TPX2: variants seen among roughly 807,000 people sequenced by gnomAD.
TPX2 encodes TPX2 microtubule nucleation factor.
In TPX2, 21 loss-of-function variants were observed where a neutral mutation model predicts 93.6. The observed-to-expected ratio is 0.22, with a 90% CI of 0.16 to 0.32. TPX2 has a LOEUF of 0.32. Ranked by LOEUF, TPX2 falls within the 10% of genes least tolerant of loss-of-function variation. The pLI, the probability that TPX2 is intolerant of heterozygous loss-of-function variation, is 1.00. For missense variants in TPX2, 776 were observed against 871.1 expected, an observed-to-expected ratio of 0.89 and a Z score of 1.37; for synonymous variants, 281 against 298.3, an observed-to-expected ratio of 0.94 and a Z score of 0.60.
At chr20:31,778,442 A>G (rs2062015089) in intron 9 of TPX2, among the ~76,000 whole-genome samples, 1 of 152,156 alleles carries the variant, frequency 6.6e-6, no homozygotes, top group Admixed American at 6.6e-5. Flanking sequence ...ATGCATACCC[A>G]GAGGCCCAAT....
chr20:31,791,997 A>G (rs577754024), intron 12 of TPX2, among the ~76,000 whole-genome samples: 1 of 152,364 alleles, frequency 6.6e-6, no homozygotes, highest in South Asian at 2.1e-4. Context: ...TATGTGCACA[A>G]TATGATACAT....
At position 31,772,716 on chromosome 20, in the gene TPX2, A is replaced by G. The variant is rs551154380; in HGVS notation, c.608+1034A>G. 1.2e-4 allele frequency among the ~76,000 whole-genome samples: 19 copies of G among 152,166 alleles called. No individual in the cohort carries two copies. The South Asian group carries it at 3.3e-3, about 27-fold the overall frequency. ...TTCTGTGCTGCTACAAAATTTTCAC[A>G]TTTATCCTTTTTTGATAGATTGTTA... On this transcript the variant is annotated intron_variant, in intron 7 of 17. Transcript: ENST00000300403.
chr20:31,784,023 T>C, intron 12 of TPX2, 102 bp downstream of exon 12: 4 of 1,234,220 alleles, frequency 3.2e-6, no homozygotes, highest in Admixed American at 4.4e-5. Flanking sequence ...CAGGGCATCA[T>C]ATTAGGAACT....
intron 2 of TPX2, among the ~76,000 whole-genome samples, chr20:31,744,544 G>T (rs562307799): frequency 1.1e-4 from 16 of 149,572 alleles, no homozygotes; most frequent in African/African-American, 3.7e-4. Context: ...TGTTTTTTTT[G>T]AGACAGGGTC....
rs1200115723 is a variant in TPX2 at position 31,778,833 on chromosome 20, T to C, written c.903T>C (p.Cys301=). Residue 301 remains cysteine (C), a synonymous_variant, in exon 10 of 18, where the codon TGT becomes TGC. Transcript: ENST00000300403. ...PSSPARVTKG[C]TIVKPFNLSQ... ...TACAGGCCCGAGTGACTAAGGGATG[T>C]ACCATTGTTAAGCCTTTCAACCTGT... 6.3e-7 allele frequency: 1 copy of C among 1,595,230 alleles called. No individual in the cohort carries two copies. Among genetic ancestry groups the C allele is most frequent in the East Asian group, 2.2e-5 (1 of 44,578 alleles).
chr20:31,759,292 C>A (rs192451159), intron 3 of TPX2, among the ~76,000 whole-genome samples: 1 of 152,138 alleles, frequency 6.6e-6, no homozygotes, highest in East Asian at 1.9e-4. Context: ...TCTACCCTCA[C>A]ACACCCCTTA....
chr20:31,770,396 A>G lies in TPX2; in HGVS notation c.410A>G (p.His137Arg). Residue 137 changes from histidine (H) to arginine (R), a missense_variant, in exon 6 of 18, where the codon CAT (histidine) becomes CGT (arginine). Physicochemically the swap from His to Arg is conservative, Grantham distance 29. Around this residue, in one of 3 missense-constraint regions of TPX2, gnomAD observed 279 missense variants for 261.6 expected, o/e 1.07. Coordinates refer to ENST00000300403, the MANE Select transcript of TPX2 (RefSeq NM_012112.5). ...QKDLEQKEKH[H>R]VKMKAKRCAT... is the part of the protein sequence containing the mutation. ...GATTTGGAACAGAAAGAAAAGCATC[A>G]TGTAAAAATGAAAGCCAAGAGATGT... is the stretch of plus-strand genomic sequence containing the variant. 6.2e-7 allele frequency: 1 copy of G among 1,606,792 alleles called. No individual in the cohort carries two copies. Among genetic ancestry groups the G allele is most frequent in the Non-Finnish European group, 8.5e-7 (1 of 1,176,064 alleles).
intron 4 of TPX2, among the ~76,000 whole-genome samples, chr20:31,763,423 A>G (rs987717614): frequency 6.6e-6 from 1 of 151,898 alleles, no homozygotes; most frequent in Non-Finnish European, 1.5e-5. Context: ...CAGGTGATCT[A>G]CCTGCCTCGG....
intron 12 of TPX2, among the ~76,000 whole-genome samples, chr20:31,787,036 A>G (rs951267870): frequency 6.6e-6 from 1 of 152,016 alleles, no homozygotes; most frequent in African/African-American, 2.4e-5. Flanking sequence ...AGCACTGAGT[A>G]TGGTGCCTGA....
intron 12 of TPX2, among the ~76,000 whole-genome samples, chr20:31,785,179 C>G (rs991003758): frequency 6.6e-6 from 1 of 152,188 alleles, no homozygotes; most frequent in African/African-American, 2.4e-5. Context: ...TGCGTGACTT[C>G]TGTTCACGAT....
chr20:31,794,616 A>G (rs2062123897), intron 15 of TPX2, 68 bp downstream of exon 15: 1 of 1,569,750 alleles, frequency 6.4e-7, no homozygotes, highest in Non-Finnish European at 8.6e-7. Flanking sequence ...CAGACCCACC[A>G]TACTGAAATC....
At chr20:31,775,427 G>A (rs866776601) in intron 7 of TPX2, among the ~76,000 whole-genome samples, 17 of 151,448 alleles carry the variant, frequency 1.1e-4, no homozygotes, top group African/African-American at 3.2e-4. Context: ...CCAGGCTGGA[G>A]TGCAGTGGCG....
chr20:31,759,761 T>A (rs1304373977), intron 3 of TPX2, among the ~76,000 whole-genome samples: 1 of 152,148 alleles, frequency 6.6e-6, no homozygotes, highest in African/African-American at 2.4e-5. Flanking sequence ...AGTTCATATT[T>A]GTATGACCCT....
intron 11 of TPX2, among the ~76,000 whole-genome samples, chr20:31,783,192 G>A (rs1247731823): frequency 6.6e-6 from 1 of 151,926 alleles, no homozygotes; most frequent in African/African-American, 2.4e-5. Context: ...ATTCTTAAGT[G>A]GTAGGGATGT....
chr20:31,775,192 C>T (rs746852649), intron 7 of TPX2, among the ~76,000 whole-genome samples: 34 of 152,090 alleles, frequency 2.2e-4, no homozygotes, highest in Non-Finnish European at 3.5e-4. Context: ...CTCCTGACCT[C>T]AGGTCATCCA....
chr20:31,783,642 T>C, intron 11 of TPX2, 63 bp from the exon 12 acceptor site: 1 of 1,481,766 alleles, frequency 6.7e-7, no homozygotes, highest in East Asian at 2.3e-5. Context: ...TGGCTTACTT[T>C]GTTTGTGAAG....
chr20:31,757,905 A>C (rs2061861590), intron 3 of TPX2, among the ~76,000 whole-genome samples: 1 of 152,120 alleles, frequency 6.6e-6, no homozygotes, highest in Admixed American at 6.6e-5. Context: ...CCACATAAAA[A>C]CTTTGTCTAC....
chr20:31,742,201 T>C (rs1394011016), intron 1 of TPX2, among the ~76,000 whole-genome samples: 16 of 144,962 alleles, frequency 1.1e-4, no homozygotes, highest in Non-Finnish European at 1.8e-4. Flanking sequence ...TTTGAGACAG[T>C]CTCACTGTGT....
chr20:31,761,735 C>T (rs1031950067), intron 4 of TPX2, among the ~76,000 whole-genome samples: 4 of 152,122 alleles, frequency 2.6e-5, no homozygotes, highest in African/African-American at 9.7e-5. Flanking sequence ...GATATCTCTT[C>T]GATGTACTGA....
Sources: allele counts gnomAD v4.1 joint callset (sites outside exome capture counted in the v4.1 genomes callset), GRCh38; gene constraint gnomAD v4.1.1; regional missense constraint gnomAD v4.1.1; transcripts MANE v1.5; gene names NCBI Gene and HGNC (gene_info 2026-07-23, HGNC 2026-07-21).